BIRC6: variants seen among roughly 807,000 people sequenced by gnomAD.
BIRC6 encodes the protein dual E2 ubiquitin-conjugating enzyme/E3 ubiquitin-protein ligase BIRC6.
Under a neutral mutation model 503.3 loss-of-function variants are expected in BIRC6, and 98 were observed. That is an observed-to-expected ratio of 0.19 (90% CI 0.17 to 0.23). BIRC6 has a LOEUF of 0.23. BIRC6 is among the 10% of genes least tolerant of loss of function. BIRC6 has a pLI of 1.00. For missense variants in BIRC6, 5,360 were observed against 5,806.0 expected (o/e 0.92, Z 2.50); for synonymous variants, 2,240 against 2,078.7 (o/e 1.08, Z -2.11).
chr2:32,490,189 A>G (rs759226126), intron 43 of BIRC6, 38 bp downstream of exon 43: 6 of 1,459,550 alleles, frequency 4.1e-6, no homozygotes, highest in South Asian at 1.1e-5. Context: ...TCTCTGACAT[A>G]TACTTTAGTG....
At chr2:32,481,666 T>C (rs1278188358) in intron 38 of BIRC6, among the ~76,000 whole-genome samples, 2 of 151,658 alleles carry the variant, frequency 1.3e-5, no homozygotes, top group African/African-American at 4.9e-5. Flanking sequence ...CTTGGGAGGC[T>C]GAGGCAGGAG....
chr2:32,485,839 A>G, intron 40 of BIRC6, 80 bp downstream of exon 40: 13 of 953,008 alleles, frequency 1.4e-5, no homozygotes, highest in Non-Finnish European at 1.9e-5. Context: ...CATCAAGGAC[A>G]GATTTTTAAA....
chr2:32,398,235 A>G (rs1004084986), intron 6 of BIRC6, among the ~76,000 whole-genome samples: 3 of 152,218 alleles, frequency 2.0e-5, no homozygotes, highest in Non-Finnish European at 4.4e-5. Flanking sequence ...TTGCTCTTGT[A>G]GGCACAGAGG....
In BIRC6 at chr2:32,575,108, T is replaced by G. The variant is rs373996404; in HGVS notation, c.13145-48T>G. 2.3e-5 allele frequency: 36 copies of G among 1,589,566 alleles called. No individual in the cohort carries two copies. In the African/African-American group the frequency reaches 4.7e-4, roughly 21 times the overall value. ...AGCTACATTCCTGTGGACCTACTTT[T>G]ATATTGTACATTTGCTCATTTTGTG... is the stretch of plus-strand genomic sequence containing the variant. On this transcript the variant is annotated intron_variant, in intron 65 of 73. Transcript: ENST00000421745.
chr2:32,361,288 T>G (rs1418392788), intron 1 of BIRC6, among the ~76,000 whole-genome samples: 1 of 152,148 alleles, frequency 6.6e-6, no homozygotes, highest in Non-Finnish European at 1.5e-5. Flanking sequence ...TATATAACAA[T>G]GAGTATATTA....
chr2:32,439,274 CA>C (rs1241380565), intron 15 of BIRC6, among the ~76,000 whole-genome samples: 1 of 152,010 alleles, frequency 6.6e-6, no homozygotes, highest in African/African-American at 2.4e-5. Context: ...ATGTTTATCT[CA>C]ATTAGTCAAA....
chr2:32,486,201 C>G (rs376561086), intron 40 of BIRC6, among the ~76,000 whole-genome samples: 2 of 152,200 alleles, frequency 1.3e-5, no homozygotes, highest in African/African-American at 4.8e-5. Flanking sequence ...AGTTGAAAGC[C>G]AGAATTGAGA....
At chr2:32,544,690 A>T (rs182124479) in intron 62 of BIRC6, among the ~76,000 whole-genome samples, 226 of 151,870 alleles carry the variant, frequency 1.5e-3, no homozygotes, top group African/African-American at 4.7e-3. Context: ...TTATGTGTAG[A>T]TCTCAAAACT....
At chr2:32,411,741 A>G (rs1473234824) in intron 9 of BIRC6, among the ~76,000 whole-genome samples, 1 of 152,098 alleles carries the variant, frequency 6.6e-6, no homozygotes, top group Admixed American at 6.5e-5. Context: ...GGCCTCCCAA[A>G]GTACTGGGAT....
chr2:32,497,617 A>G (rs2052628188), intron 45 of BIRC6, among the ~76,000 whole-genome samples: 2 of 152,126 alleles, frequency 1.3e-5, no homozygotes, highest in African/African-American at 4.8e-5. Flanking sequence ...ACATTGTTGT[A>G]TTTGTTAGTG....
At chr2:32,482,707 C>T in intron 39 of BIRC6, 125 bp downstream of exon 39, 1 of 946,720 alleles carries the variant, frequency 1.1e-6, no homozygotes, top group Non-Finnish European at 1.6e-6. Flanking sequence ...CACAGCTGTG[C>T]CGTGAGTACC....
chr2:32,428,915 A>C (rs2043814966), intron 10 of BIRC6, among the ~76,000 whole-genome samples: 1 of 152,156 alleles, frequency 6.6e-6, no homozygotes, highest in Non-Finnish European at 1.5e-5. Flanking sequence ...ATACTAGATA[A>C]ATACCTGTTT....
intron 33 of BIRC6, among the ~76,000 whole-genome samples, chr2:32,474,790 A>G (rs2049538234): frequency 6.6e-6 from 1 of 152,192 alleles, no homozygotes; most frequent in South Asian, 2.1e-4. Context: ...TTTTCTGAAA[A>G]TACTGATTTG....
intron 10 of BIRC6, among the ~76,000 whole-genome samples, chr2:32,419,750 A>T (rs570343117): frequency 6.6e-6 from 1 of 152,368 alleles, no homozygotes; most frequent in East Asian, 1.9e-4. Flanking sequence ...ACTGATATTC[A>T]GAAGGAGGAT....
At chr2:32,507,851 T>C in intron 50 of BIRC6, 129 bp from the exon 51 acceptor site, 6 of 785,058 alleles carry the variant, frequency 7.6e-6, no homozygotes, top group Non-Finnish European at 1.1e-5. Context: ...TATTTTGTTG[T>C]ATAAGTTTTC....
Position 32,357,858 on chromosome 2 carries a change from C to T in BIRC6, c.325+372C>T, listed in dbSNP as rs892301265. On this transcript the variant is annotated intron_variant, in intron 1 of 73. Coordinates refer to ENST00000421745, the MANE Select transcript of BIRC6 (RefSeq NM_016252.4). This position sits in a 1 kb window ranked among gnomAD's most constrained non-coding sequence, Gnocchi z 4.9. ...GGTCCTGCGTCCGGTTAGATGAGAG[C>T]GAAAGGCTGGAAGGGTTGACCCCGG... 2.0e-5 allele frequency among the ~76,000 whole-genome samples: 3 copies of T among 152,112 alleles called. No individual in the cohort carries two copies. The East Asian group carries it at 5.8e-4, about 30-fold the overall frequency.
Position 32,468,570 on chromosome 2 carries a change from T to C in BIRC6, c.5914T>C (p.Ser1972Pro). The C allele has an allele frequency of 6.2e-7, 1 of 1,614,032 alleles. No homozygotes were observed. Among genetic ancestry groups the C allele is most frequent in the Non-Finnish European group, 8.5e-7 (1 of 1,179,874 alleles). Residue 1972 changes from serine (S) to proline (P), a missense_variant, in exon 29 of 74, where the codon TCT (serine) becomes CCT (proline). By Grantham distance (74) the Ser-to-Pro change is moderately conservative. Transcript: ENST00000421745. ...KAVEEDSRVF[S>P]AYQDCIQLQL... is the part of the protein sequence containing the mutation. ...AGTTGAGGAAGACAGTAGGGTTTTT[T>C]CTGCTTATCAAGATTGTATTCAGCT...
At position 32,468,530 on chromosome 2, in the gene BIRC6, A is replaced by G. The variant is rs1264775840; in HGVS notation, c.5874A>G (p.Arg1958=). 1 of 1,613,996 alleles carries G rather than the reference A, an allele frequency of 6.2e-7. No individual in the cohort carries two copies. Among genetic ancestry groups the G allele is most frequent in the Admixed American group, 1.7e-5 (1 of 60,022 alleles). The change falls in exon 29 of 74, where the codon CGA becomes CGG. Residue 1958 remains arginine, a synonymous_variant. Transcript: ENST00000421745. ...NSANNAQYFL[R]KPDKAVEEDS... ...CTAACAATGCACAGTACTTTTTACG[A>G]AAACCAGATAAGGCAGTTGAGGAAG...
chr2:32,390,288 A>T (rs1324873427), intron 4 of BIRC6, among the ~76,000 whole-genome samples: 5 of 152,170 alleles, frequency 3.3e-5, no homozygotes, highest in South Asian at 2.1e-4. Context: ...CTCCTGCCTC[A>T]GCCTCCCGAG....
Sources: gnomAD v4.1 joint callset for allele counts (sites outside exome capture counted in the v4.1 genomes callset) on GRCh38, gnomAD v4.1.1 for gene constraint, Gnocchi (gnomAD v3.1) non-coding constraint, MANE v1.5 for transcripts, NCBI Gene and HGNC (gene_info 2026-07-23, HGNC 2026-07-21) for gene names.